TRIO: variants seen among roughly 807,000 people sequenced by gnomAD.
TRIO encodes the protein triple functional domain protein.
A neutral mutation model predicts 351.9 loss-of-function variants in TRIO; 58 were observed. The observed-to-expected ratio is 0.16, with a 90% CI of 0.13 to 0.21. The LOEUF is 0.21. TRIO is among the 10% of genes least tolerant of loss of function. The pLI is 1.00. For synonymous variants in TRIO, 1,758 were observed against 1,595.7 expected (o/e 1.10, Z -2.42); for missense variants, 3,201 against 4,027.8 (o/e 0.79, Z 5.56).
intron 30 of TRIO, among the ~76,000 whole-genome samples, chr5:14,400,170 C>A (rs1002036560): frequency 1.3e-5 from 2 of 152,162 alleles, no homozygotes; most frequent in Non-Finnish European, 2.9e-5. Context: ...AGGTCACATT[C>A]TGACTGGAAA....
Position 14,202,294 on chromosome 5 carries a change from A to ATTTTTTTTT in TRIO, c.157+58440_157+58448dup, listed in dbSNP as rs60827656. Among the ~76,000 whole-genome samples, 23 of 33,562 alleles carry ATTTTTTTTT rather than the reference A, an allele frequency of 6.9e-4. 1 individual carries two copies. Among genetic ancestry groups the ATTTTTTTTT allele is most frequent in the Non-Finnish European group, 9.9e-4 (17 of 17,104 alleles). 22.0% of individuals were successfully genotyped at this position (33,562 alleles called of 152,430 possible). On this transcript the variant is annotated intron_variant, in intron 1 of 56. Transcript: ENST00000344204. ...TTAAAACATTTTGAATATTTTTGTG[A>ATTTTTTTTT]TTTTTTTTTTTTTTTTTTTTTTTTT...
At chr5:14,145,815 G>A (rs906543717) in intron 1 of TRIO, among the ~76,000 whole-genome samples, 2 of 152,156 alleles carry the variant, frequency 1.3e-5, no homozygotes, top group Non-Finnish European at 2.9e-5. Flanking sequence ...GCCTGTTGGC[G>A]TGGCTCTCTC....
At chr5:14,457,032 T>G (rs1379067487) in intron 34 of TRIO, among the ~76,000 whole-genome samples, 1 of 152,126 alleles carries the variant, frequency 6.6e-6, no homozygotes, top group Non-Finnish European at 1.5e-5. Context: ...GAAAAAAAGT[T>G]TTTTCCCCAC....
chr5:14,490,498 C>G (rs940781030), intron 48 of TRIO, among the ~76,000 whole-genome samples: 1 of 152,262 alleles, frequency 6.6e-6, no homozygotes, highest in Non-Finnish European at 1.5e-5. Flanking sequence ...ATGGCTGCAC[C>G]AGTCCTTCCT....
chr5:14,359,062 A>C (rs1420785490), intron 12 of TRIO, among the ~76,000 whole-genome samples: 2 of 152,244 alleles, frequency 1.3e-5, no homozygotes. Context: ...TTACTTAAGA[A>C]GAAAAGTGGC....
At chr5:14,294,970 T>G (rs1273910220) in intron 6 of TRIO, among the ~76,000 whole-genome samples, 1 of 152,286 alleles carries the variant, frequency 6.6e-6, no homozygotes, top group East Asian at 1.9e-4. Context: ...ACAATATACT[T>G]CTGTTACTTT....
chr5:14,316,400 A>T, intron 8 of TRIO, 113 bp from the exon 9 acceptor site: 1 of 1,015,704 alleles, frequency 9.8e-7, no homozygotes, highest in Non-Finnish European at 1.5e-6. Flanking sequence ...TAATGTGTGT[A>T]CATGTACGTG....
intron 7 of TRIO, 99 bp from the exon 8 acceptor site, chr5:14,304,362 C>CT: frequency 4.8e-6 from 6 of 1,242,340 alleles, no homozygotes; most frequent in Non-Finnish European, 6.7e-6. Flanking sequence ...TTCTTAGGAT[C>CT]TCCCTCAAGT....
intron 34 of TRIO, among the ~76,000 whole-genome samples, chr5:14,422,603 G>A (rs938986624): frequency 2.0e-5 from 3 of 152,202 alleles, no homozygotes; most frequent in African/African-American, 7.2e-5. Context: ...TTCACGTGGT[G>A]GTTTTGAAGC....
intron 1 of TRIO, among the ~76,000 whole-genome samples, chr5:14,245,655 T>A (rs987013748): frequency 7.2e-5 from 11 of 152,230 alleles, no homozygotes; most frequent in African/African-American, 2.7e-4. Flanking sequence ...GACACACTCT[T>A]CTTGACCGTT....
chr5:14,494,560 G>T (rs1756735709), intron 49 of TRIO, among the ~76,000 whole-genome samples: 1 of 152,224 alleles, frequency 6.6e-6, no homozygotes, highest in South Asian at 2.1e-4. Context: ...CCATGCTACA[G>T]CCCACGGATC....
rs778582494 is a variant in TRIO at position 14,508,291 on chromosome 5, G to A, written c.9163G>A (p.Gly3055Ser). Residue 3055 changes from glycine to serine, a missense_variant, in exon 57 of 57, where the codon GGC becomes AGC. Transcript: ENST00000344204. ...LQEQWLQAGNGRSTGVLDTSR... is the reference protein window; with the variant it reads ...LQEQWLQAGNSRSTGVLDTSR... ...GGAGCAGTGGCTGCAGGCCGGCAAC[G>A]GCAGAAGCACGGGCGTCCTCGACAC... 23 of 1,613,792 alleles carry A rather than the reference G, an allele frequency of 1.4e-5. No homozygotes were observed. The highest frequency in any genetic ancestry group is 2.7e-5 in the African/African-American group (2 of 74,942).
At chr5:14,494,760 A>G (rs978630776) in intron 49 of TRIO, among the ~76,000 whole-genome samples, 13 of 152,190 alleles carry the variant, frequency 8.5e-5, no homozygotes, top group African/African-American at 2.2e-4. Flanking sequence ...TTCGCTGGGC[A>G]TGGTGGCATG....
Position 14,293,000 on chromosome 5 carries a change from T to A in TRIO, c.1054-12T>A, listed in dbSNP as rs777112387. 22 of 1,613,980 alleles carry A rather than the reference T, an allele frequency of 1.4e-5. No homozygotes were observed. The highest frequency in any genetic ancestry group is 1.0e-5 in the Non-Finnish European group (12 of 1,179,972). ...CTGGAGTGATTGCGGGTTGTCTTTT[T>A]CCTTCCGGTAGATGTTTGACTGGAT... On this transcript the variant is annotated splice_polypyrimidine_tract_variant and intron_variant, in intron 5 of 56. Coordinates refer to ENST00000344204, the MANE Select transcript of TRIO (RefSeq NM_007118.4).
At chr5:14,375,151 T>C (rs1745445419) in intron 19 of TRIO, among the ~76,000 whole-genome samples, 1 of 152,258 alleles carries the variant, frequency 6.6e-6, no homozygotes, top group African/African-American at 2.4e-5. Context: ...ACCACTATAA[T>C]TCTCTAAGTT....
At chr5:14,437,344 A>G (rs911814630) in intron 34 of TRIO, among the ~76,000 whole-genome samples, 1 of 152,118 alleles carries the variant, frequency 6.6e-6, no homozygotes, top group African/African-American at 2.4e-5. Context: ...TTTCAAAGTT[A>G]GGTTAGTTGT....
intron 35 of TRIO, among the ~76,000 whole-genome samples, chr5:14,461,643 C>T (rs1429311251): frequency 6.6e-6 from 1 of 152,248 alleles, no homozygotes; most frequent in African/African-American, 2.4e-5. Context: ...CTCTCCTCCC[C>T]ACTCCACCAT....
Position 14,287,004 on chromosome 5 carries a change from C to G in TRIO, c.481C>G (p.Pro161Ala). ...CCIHVALIIK[P>A]DNFWQKQRTN... is the part of the protein sequence containing the mutation. ...CATCCATGTGGCCCTGATCATCAAG[C>G]CAGACAACTTCTGGCAGAAACAGAG... Residue 161 changes from proline (P) to alanine (A), a missense_variant, in exon 4 of 57, where the codon CCA (proline) becomes GCA (alanine). Coordinates refer to ENST00000344204, the MANE Select transcript of TRIO (RefSeq NM_007118.4). 1 of 1,614,192 alleles carries G rather than the reference C, an allele frequency of 6.2e-7. No individual in the cohort carries two copies. The highest frequency in any genetic ancestry group is 8.5e-7 in the Non-Finnish European group (1 of 1,180,030).
At position 14,404,645 on chromosome 5, in the gene TRIO, C is replaced by G. The variant is rs554549004; in HGVS notation, c.4717-1203C>G. On this transcript the variant is annotated intron_variant, in intron 31 of 56. Transcript: ENST00000344204. The stretch of plus-strand genomic sequence containing the variant: ...TCTCCCGAGTCCCTTACTTTCCCCC[C>G]GCTTTCCCCGGTCACCCTGCCTCCT... 4.1e-4 allele frequency among the ~76,000 whole-genome samples: 63 copies of G among 152,248 alleles called. 1 individual carries two copies. The highest frequency in any genetic ancestry group is 4.0e-3 in the East Asian group (21 of 5,190).
Sources: gnomAD v4.1 joint callset for allele counts (sites outside exome capture counted in the v4.1 genomes callset) on GRCh38, gnomAD v4.1.1 for gene constraint, MANE v1.5 for transcripts, NCBI Gene and HGNC (gene_info 2026-07-23, HGNC 2026-07-21) for gene names.